Variants in TRIM31 observed in about 807,000 individuals in gnomAD.
The protein encoded by TRIM31 is tripartite motif containing 31, also known as E3 ubiquitin-protein ligase TRIM31.
In TRIM31, 31 loss-of-function variants were observed where a neutral mutation model predicts 40.6. The ratio of observed to expected loss-of-function variants is 0.76; its 90% CI spans 0.57 to 1.03. The LOEUF (loss-of-function observed/expected upper bound fraction) is 1.03. Among genes scored for constraint, TRIM31 ranks in the 50% least tolerant of loss-of-function variants. The pLI, the probability that TRIM31 is intolerant of heterozygous loss-of-function variation, is 0.00. For missense variants in TRIM31, 455 were observed against 497.5 expected (o/e 0.91, Z 0.81); for synonymous variants, 164 against 193.9 (o/e 0.85, Z 1.28).
At position 30,112,740 on chromosome 6, in the gene TRIM31, A is replaced by C. The variant is rs776113493; in HGVS notation, c.66T>G (p.Ile22Met). ...AGTCGATGGTGACAGGTTTCTGCAG[A>C]ATGTCCAGGCAGATGGGGCAGATCA... The part of the protein sequence containing the change: ...EEVICPICLD[I>M]LQKPVTIDCG... The change falls in exon 2 of 9, where the codon ATT becomes ATG. Residue 22 changes from isoleucine to methionine, a missense_variant. Physicochemically the swap from Ile to Met is conservative, Grantham distance 10 (BLOSUM62 1). Transcript: ENST00000376734. 6.2e-7 allele frequency: 1 copy of C among 1,613,090 alleles called. No individual in the cohort carries two copies.
chr6:30,105,086 A>G (rs1768543177), intron 7 of TRIM31, 82 bp downstream of exon 7: 1 of 1,251,176 alleles, frequency 8.0e-7, no homozygotes, highest in East Asian at 2.3e-5. Context: ...TCTGGCCTTC[A>G]TGTAATCATA....
intron 2 of TRIM31, 36 bp from the exon 3 acceptor site, chr6:30,111,779 G>A: frequency 6.2e-7 from 1 of 1,601,416 alleles, no homozygotes; most frequent in Non-Finnish European, 8.6e-7. Context: ...GGCTGTGCCT[G>A]GAGATTTCTG....
At chr6:30,108,863 G>T in intron 5 of TRIM31, 163 bp downstream of exon 5, 2 of 740,670 alleles carry the variant, frequency 2.7e-6, no homozygotes, top group South Asian at 1.5e-5. Context: ...GTGCTAATAT[G>T]GTTGGCATAG....
At chr6:30,108,686 G>C (rs1768987737) in intron 5 of TRIM31, 1 of 466,978 alleles carries the variant, frequency 2.1e-6, no homozygotes, top group Non-Finnish European at 3.9e-6. Context: ...TGGAAATGAA[G>C]ATGGGAGATG....
Position 30,103,515 on chromosome 6 carries a change from C to A in TRIM31, c.*21G>T. 6.2e-7 allele frequency: 1 copy of A among 1,611,770 alleles called. No individual in the cohort carries two copies. The highest frequency in any genetic ancestry group is 8.5e-7 in the Non-Finnish European group (1 of 1,179,170). On this transcript the variant is annotated 3_prime_UTR_variant, in exon 9 of 9. Coordinates refer to ENST00000376734, the MANE Select transcript of TRIM31 (RefSeq NM_007028.5). ...CCGAAGTCCGTGTAGCACCACCGCTCCCCGTGTTCTCTGAGCTGGCTTAGC... is the reference window on the plus strand; with the variant it reads ...CCGAAGTCCGTGTAGCACCACCGCTACCCGTGTTCTCTGAGCTGGCTTAGC...
chr6:30,104,079 G>A, intron 8 of TRIM31, 23 bp downstream of exon 8: 2 of 1,611,364 alleles, frequency 1.2e-6, no homozygotes, highest in Non-Finnish European at 1.7e-6. Context: ...AGGTCCCTTA[G>A]TATTCAGAGA....
chr6:30,110,848 C>T (rs1463901323), intron 3 of TRIM31, among the ~76,000 whole-genome samples, 170 bp from the exon 4 acceptor site: 1 of 152,180 alleles, frequency 6.6e-6, no homozygotes, highest in Non-Finnish European at 1.5e-5. Flanking sequence ...TCTAAAAGCA[C>T]CTACTACGTG....
In TRIM31 at chr6:30,110,434, C is replaced by G. The variant is rs1410001787; in HGVS notation, c.744+14G>C. On this transcript the variant is annotated intron_variant, in intron 4 of 8. Coordinates refer to ENST00000376734, the MANE Select transcript of TRIM31 (RefSeq NM_007028.5). ...GCTGCTACCTCTCTGCAATTCTGCCCCCAAGGGACTCACCTCCAGCAGCTG... is the reference window on the plus strand; with the variant it reads ...GCTGCTACCTCTCTGCAATTCTGCCGCCAAGGGACTCACCTCCAGCAGCTG... 1.5e-5 allele frequency: 25 copies of G among 1,613,124 alleles called. No homozygotes were observed. The highest frequency in any genetic ancestry group is 2.0e-5 in the Non-Finnish European group (24 of 1,179,450).
chr6:30,107,881 A>T (rs1768873887), intron 6 of TRIM31, 172 bp downstream of exon 6: 1 of 599,340 alleles, frequency 1.7e-6, no homozygotes, highest in Non-Finnish European at 3.0e-6. Flanking sequence ...GAATATAAGA[A>T]ATGCCTGGGA....
At chr6:30,104,899 T>C (rs2127380570) in intron 7 of TRIM31, among the ~76,000 whole-genome samples, 1 of 152,328 alleles carries the variant, frequency 6.6e-6, no homozygotes, top group South Asian at 2.1e-4. Context: ...CTCCTTCTTG[T>C]CCCACTTTTT....
At position 30,109,051 on chromosome 6, in the gene TRIM31, A is replaced by T. The variant is rs115893523; in HGVS notation, c.745-3T>A. ...CTGCACAAGACGACTTTGATATCCT[A>T]GAAGAGAAAGAGAAACAGCACAGCC... On this transcript the variant is annotated splice_region_variant and splice_polypyrimidine_tract_variant and intron_variant, in intron 4 of 8. Transcript: ENST00000376734. 24,241 of 1,612,950 alleles carry T rather than the reference A, an allele frequency of 0.015. 238 individuals carry two copies. The highest frequency in any genetic ancestry group is 0.018 in the Middle Eastern group (112 of 6,060).
intron 6 of TRIM31, 34 bp from the exon 7 acceptor site, chr6:30,105,276 G>A (rs754573550): frequency 6.4e-7 from 1 of 1,557,262 alleles, no homozygotes; most frequent in Non-Finnish European, 8.8e-7. Flanking sequence ...AATGGTGAGA[G>A]TCCAGAGGGG....
At chr6:30,104,306 T>TTGTCTCA in intron 7 of TRIM31, 139 bp from the exon 8 acceptor site, 6 of 815,906 alleles carry the variant, frequency 7.4e-6, no homozygotes, top group Admixed American at 2.4e-5. Context: ...CAGGGGGAAG[T>TTGTCTCA]GTGGAAACCT....
intron 3 of TRIM31, 146 bp downstream of exon 3, chr6:30,111,502 C>G (rs1352083642): frequency 1.3e-6 from 1 of 740,772 alleles, no homozygotes; most frequent in Non-Finnish European, 2.2e-6. Flanking sequence ...GGAGGTGATG[C>G]CGCCTGGCCG....
chr6:30,109,741 C>T (rs973571305), intron 4 of TRIM31, among the ~76,000 whole-genome samples: 2 of 151,926 alleles, frequency 1.3e-5, no homozygotes, highest in African/African-American at 2.4e-5. Context: ...ATTAGCTGGG[C>T]GTGGTGGTGG....
chr6:30,106,281 T>C (rs181666088), intron 6 of TRIM31, among the ~76,000 whole-genome samples: 1 of 152,140 alleles, frequency 6.6e-6, no homozygotes, highest in South Asian at 2.1e-4. Context: ...AGCCCAGTCA[T>C]GGGGACTGCT....
intron 5 of TRIM31, among the ~76,000 whole-genome samples, chr6:30,108,452 G>A (rs1386601789): frequency 2.6e-5 from 4 of 151,272 alleles, no homozygotes; most frequent in African/African-American, 9.7e-5. Flanking sequence ...TCAGCTACTT[G>A]GGAGGCTGAG....
At chr6:30,106,134 A>C (rs1294060937) in intron 6 of TRIM31, among the ~76,000 whole-genome samples, 1 of 152,200 alleles carries the variant, frequency 6.6e-6, no homozygotes. Flanking sequence ...GTGGAGAACT[A>C]TAGGGTGGAG....
Position 30,103,699 on chromosome 6 carries a change from A to G in TRIM31, c.1115T>C (p.Phe372Ser). ...FRASSAGKVT[F>S]PVCLLASYDE... is the part of the protein sequence containing the mutation. ...ATAAGAGGCCAGGAGACATACTGGA[A>G]AAGTGACTTTCCCAGCAGACGAGGC... Residue 372 changes from phenylalanine to serine, a missense_variant, in exon 9 of 9, where the codon TTT becomes TCT. Phe to Ser is a radical substitution (Grantham distance 155). Coordinates refer to ENST00000376734, the MANE Select transcript of TRIM31 (RefSeq NM_007028.5). 6.2e-7 allele frequency: 1 copy of G among 1,613,074 alleles called. No homozygotes were observed. The highest frequency in any genetic ancestry group is 8.5e-7 in the Non-Finnish European group (1 of 1,180,026).
Sources: allele counts gnomAD v4.1 joint callset (sites outside exome capture counted in the v4.1 genomes callset), GRCh38; gene constraint gnomAD v4.1.1; transcripts MANE v1.5; gene names NCBI Gene and HGNC (gene_info 2026-07-23, HGNC 2026-07-21).